VAT1L: variants seen among roughly 807,000 people sequenced by gnomAD.
VAT1L encodes the protein putative NADPH-dependent quinone oxidoreductase VAT1L.
In VAT1L, 34 loss-of-function variants were observed where a neutral mutation model predicts 44.1. The observed-to-expected ratio is 0.77, with a 90% CI of 0.59 to 1.03. The LOEUF (loss-of-function observed/expected upper bound fraction) is 1.03, where lower values mean the gene tolerates loss of function less well. Ranked by LOEUF, VAT1L falls within the 50% of genes least tolerant of loss-of-function variation. VAT1L has a pLI of 0.00. For missense variants in VAT1L, 615 were observed against 538.8 expected (o/e 1.14, Z -1.40); for synonymous variants, 253 against 202.2 (o/e 1.25, Z -2.13).
At chr16:77,969,110 T>C (rs1795890832) in intron 7 of VAT1L, among the ~76,000 whole-genome samples, 8 of 152,206 alleles carry the variant, frequency 5.3e-5, no homozygotes, top group Admixed American at 5.2e-4. Context: ...TGAGCCACTA[T>C]GCCTGGCCTG....
chr16:77,821,851 A>G (rs1464776291), intron 2 of VAT1L, among the ~76,000 whole-genome samples: 1 of 152,190 alleles, frequency 6.6e-6, no homozygotes, highest in Non-Finnish European at 1.5e-5. Flanking sequence ...GTCGTCAGGG[A>G]AAGTTTTGGA....
At chr16:77,823,859 AAAAT>A (rs988128295) in intron 2 of VAT1L, among the ~76,000 whole-genome samples, 59 of 152,210 alleles carry the variant, frequency 3.9e-4, no homozygotes, top group Admixed American at 9.8e-4. Flanking sequence ...AATAAATACA[AAAAT>A]AAATAAATAA....
intron 3 of VAT1L, among the ~76,000 whole-genome samples, chr16:77,831,713 GA>G (rs2016580453): frequency 6.6e-6 from 1 of 152,172 alleles, no homozygotes; most frequent in Non-Finnish European, 1.5e-5. Flanking sequence ...TTCCTGGACT[GA>G]AAAGGGCCAT....
At chr16:77,850,101 A>C (rs190519738) in intron 3 of VAT1L, among the ~76,000 whole-genome samples, 58 of 152,324 alleles carry the variant, frequency 3.8e-4, no homozygotes, top group African/African-American at 1.3e-3. Context: ...TGAACACGAT[A>C]GTCCCAAGTA....
At chr16:77,876,538 G>A in intron 5 of VAT1L, 65 bp downstream of exon 5, 2 of 1,458,450 alleles carry the variant, frequency 1.4e-6, no homozygotes, top group Admixed American at 3.4e-5. Flanking sequence ...TGCCTGCAAA[G>A]GCTCTGAAAA....
chr16:77,933,081 A>G (rs2017751041), intron 7 of VAT1L, among the ~76,000 whole-genome samples: 1 of 152,202 alleles, frequency 6.6e-6, no homozygotes, highest in South Asian at 2.1e-4. Context: ...GATATGGAAA[A>G]GTACAAATCT....
At chr16:77,941,146 A>G (rs1265801501) in intron 7 of VAT1L, among the ~76,000 whole-genome samples, 1 of 152,100 alleles carries the variant, frequency 6.6e-6, no homozygotes, top group Non-Finnish European at 1.5e-5. Context: ...TATGTCAGTT[A>G]ATATGTTTCT....
At chr16:77,846,266 G>A (rs1308110776) in intron 3 of VAT1L, among the ~76,000 whole-genome samples, 1 of 152,174 alleles carries the variant, frequency 6.6e-6, no homozygotes, top group Non-Finnish European at 1.5e-5. Context: ...CATTATGCCA[G>A]TGACTGCTTG....
intron 1 of VAT1L, among the ~76,000 whole-genome samples, chr16:77,792,283 AT>A (rs2015848910): frequency 6.6e-6 from 1 of 152,138 alleles, no homozygotes; most frequent in Non-Finnish European, 1.5e-5. Context: ...TATAGGCAAT[AT>A]CATGTCACAT....
At chr16:77,916,801 T>C (rs573422489) in intron 7 of VAT1L, among the ~76,000 whole-genome samples, 160 of 43,696 alleles carry the variant, frequency 3.7e-3, no homozygotes, top group African/African-American at 8.2e-3. Context: ...GCTTTGCTCT[T>C]TTTTTTTTTT....
intron 3 of VAT1L, among the ~76,000 whole-genome samples, chr16:77,832,550 T>C (rs969786867): frequency 2.6e-4 from 40 of 152,130 alleles, no homozygotes; most frequent in African/African-American, 8.9e-4. Flanking sequence ...AGCTAAGACA[T>C]TTGGGGAAAA....
intron 1 of VAT1L, among the ~76,000 whole-genome samples, chr16:77,815,145 T>G (rs4372704): frequency 0.17 from 26,315 of 152,186 alleles, 2,383 homozygotes; most frequent in Admixed American, 0.22. Context: ...GTGGCCATGT[T>G]AAATTATTAA....
chr16:77,817,944 T>C (rs1487722574), intron 2 of VAT1L, among the ~76,000 whole-genome samples: 1 of 152,178 alleles, frequency 6.6e-6, no homozygotes. Flanking sequence ...GAAGTTATCT[T>C]TTTTAAGCCT....
At chr16:77,894,833 A>G (rs192558858) in intron 7 of VAT1L, among the ~76,000 whole-genome samples, 99 of 152,234 alleles carry the variant, frequency 6.5e-4, no homozygotes, top group African/African-American at 2.1e-3. Context: ...TGGGATCAGG[A>G]GAACTTGGGA....
chr16:77,937,915 A>G (rs2017823519), intron 7 of VAT1L, among the ~76,000 whole-genome samples: 1 of 152,252 alleles, frequency 6.6e-6, no homozygotes, highest in African/African-American at 2.4e-5. Context: ...TTAAGATAGA[A>G]TCACAGTGCT....
rs529263398 is a variant in VAT1L at position 77,829,989 on chromosome 16, G to A, written c.579+4528G>A. ...ATGAAGTGAACCTAGGTGCCAGCAT[G>A]TGCCCCGGCTTCCTGACCCCATTTG... On this transcript the variant is annotated intron_variant, in intron 3 of 8. Transcript: ENST00000302536. 2.8e-4 allele frequency among the ~76,000 whole-genome samples: 43 copies of A among 152,274 alleles called. 1 individual carries two copies. The South Asian group carries it at 8.7e-3, about 31-fold the overall frequency.
At chr16:77,886,276 T>C (rs2017208355) in intron 7 of VAT1L, among the ~76,000 whole-genome samples, 1 of 152,200 alleles carries the variant, frequency 6.6e-6, no homozygotes, top group Non-Finnish European at 1.5e-5. Context: ...CCATATGGTA[T>C]TCACTATCAT....
At chr16:77,885,636 G>A (rs551133926) in intron 7 of VAT1L, among the ~76,000 whole-genome samples, 2 of 149,180 alleles carry the variant, frequency 1.3e-5, no homozygotes, top group Admixed American at 6.7e-5. Flanking sequence ...ATGTGGGAAT[G>A]TTTTTTTTTT....
chr16:77,846,855 G>C (rs1035355901), intron 3 of VAT1L, among the ~76,000 whole-genome samples: 3 of 150,498 alleles, frequency 2.0e-5, no homozygotes, highest in Non-Finnish European at 3.0e-5. Context: ...GGTGTATTCA[G>C]TGTGATTCCA....
Sources: gnomAD v4.1 joint callset for allele counts (sites outside exome capture counted in the v4.1 genomes callset) on GRCh38, gnomAD v4.1.1 for gene constraint, MANE v1.5 for transcripts, NCBI Gene and HGNC (gene_info 2026-07-23, HGNC 2026-07-21) for gene names.